CD5L: variants seen among roughly 807,000 people sequenced by gnomAD.
The protein encoded by CD5L is CD5 molecule like.
A neutral mutation model predicts 40.8 loss-of-function variants in CD5L; 39 were observed. The ratio of observed to expected loss-of-function variants is 0.96; its 90% CI spans 0.74 to 1.25. The LOEUF (loss-of-function observed/expected upper bound fraction) is 1.25. CD5L is among the 50% of genes most tolerant of loss of function. CD5L has a pLI of 0.00. For synonymous variants in CD5L, 192 were observed against 169.6 expected, an observed-to-expected ratio of 1.13 and a Z score of -1.03; for missense variants, 433 against 435.9, an observed-to-expected ratio of 0.99 and a Z score of 0.06.
intron 2 of CD5L, among the ~76,000 whole-genome samples, 153 bp downstream of exon 2, chr1:157,839,231 G>T (rs999119711): frequency 6.6e-6 from 1 of 152,140 alleles, no homozygotes; most frequent in Non-Finnish European, 1.5e-5. Context: ...GTGGAAATCT[G>T]CCCACACAAG....
rs566998336 is a variant in CD5L, at chr1:157,836,064, A to G, written c.147T>C (p.Cys49=). 445 of 1,614,106 alleles carry G rather than the reference A, an allele frequency of 2.8e-4. 3 individuals are homozygous for G. In the South Asian group the frequency reaches 4.5e-3, roughly 16 times the overall value. The change falls in exon 3 of 6, where the codon TGT becomes TGC. Residue 49 remains cysteine, a synonymous_variant. Transcript: ENST00000368174. ...VEQKGQWGTV[C]DDGWDIKDVA... Reference sequence around the variant, plus strand: ...CGTCCTTAATGTCCCAGCCGTCATCACACACGGTGCCCCACTGGCCTTTCT... The same window carrying G: ...CGTCCTTAATGTCCCAGCCGTCATCGCACACGGTGCCCCACTGGCCTTTCT...
In CD5L at chr1:157,834,394, G is replaced by A. The variant is rs1448479439; in HGVS notation, c.718+13C>T. 1.3e-6 allele frequency: 2 copies of A among 1,593,850 alleles called. No individual in the cohort carries two copies. The highest frequency in any genetic ancestry group is 2.2e-5 in the East Asian group (1 of 44,552). ...CCATGAATAAACCTAGTCTTTGGAC[G>A]CACAGGCATTACCTTCACATTCGAC... On this transcript the variant is annotated intron_variant, in intron 4 of 5. Coordinates refer to ENST00000368174, the MANE Select transcript of CD5L (RefSeq NM_005894.3).
intron 3 of CD5L, 136 bp downstream of exon 3, chr1:157,835,699 G>C (rs1480719669): frequency 1.3e-5 from 9 of 698,372 alleles, no homozygotes; most frequent in Non-Finnish European, 2.0e-5. Context: ...CTGACAGTTG[G>C]GAAAGTATGA....
At chr1:157,836,961 C>A (rs776357672) in intron 2 of CD5L, among the ~76,000 whole-genome samples, 34 of 152,002 alleles carry the variant, frequency 2.2e-4, no homozygotes, top group Non-Finnish European at 1.8e-4. Flanking sequence ...TCTGGAAGTA[C>A]AAAAGCTAAC....
rs1656299339 is a variant in CD5L, at chr1:157,839,298, A to T, written c.55+86T>A. 9 of 1,313,160 alleles carry T rather than the reference A, an allele frequency of 6.9e-6. No homozygotes were observed. The South Asian group carries it at 9.5e-5, about 14-fold the overall frequency. 81.3% of individuals were successfully genotyped at this position (1,313,160 alleles called of 1,614,324 possible). A position where few individuals can be genotyped will look rare whatever the true frequency, so the allele number is the denominator to read the frequency against. ...AAGTCTGCTGGGCCTGTTTTGAACA[A>T]GTCTTTCTCTGTGGCTCAAGAAGCT... On this transcript the variant is annotated intron_variant, in intron 2 of 5. Coordinates refer to ENST00000368174, the MANE Select transcript of CD5L (RefSeq NM_005894.3).
chr1:157,828,805 G>A (rs1303637678), downstream of CD5L, among the ~76,000 whole-genome samples: 2 of 152,180 alleles, frequency 1.3e-5, no homozygotes, highest in Non-Finnish European at 2.9e-5. Context: ...TGGATTAAAT[G>A]TTGGTTCTCT....
In CD5L at chr1:157,839,372, C is replaced by T. The variant is rs1656302617; in HGVS notation, c.55+12G>A. 3 of 1,613,642 alleles carry T rather than the reference C, an allele frequency of 1.9e-6. No homozygotes were observed. Among genetic ancestry groups the T allele is most frequent in the Non-Finnish European group, 2.5e-6 (3 of 1,179,814 alleles). On this transcript the variant is annotated intron_variant, in intron 2 of 5. Transcript: ENST00000368174. ...TTGAGGCCTCCCTCTCAGAAACCCC[C>T]AAAAATCTTACCTAGGAATCCAGGT...
chr1:157,835,717 G>T, intron 3 of CD5L, 118 bp downstream of exon 3: 1 of 775,660 alleles, frequency 1.3e-6, no homozygotes, highest in South Asian at 1.7e-5. Context: ...TGAGATGTGG[G>T]GGGTGAGGGG....
chr1:157,840,517 T>C (rs1425883321), intron 1 of CD5L, among the ~76,000 whole-genome samples: 9 of 152,218 alleles, frequency 5.9e-5, no homozygotes, highest in Non-Finnish European at 2.9e-5. Flanking sequence ...TAACCTCTCA[T>C]TACCCTCATT....
At chr1:157,829,574 T>C (rs776013154), downstream of CD5L, among the ~76,000 whole-genome samples, 2 of 152,254 alleles carry the variant, frequency 1.3e-5, no homozygotes, top group Non-Finnish European at 2.9e-5. Flanking sequence ...AATAGGCCTC[T>C]GTTTATAGGC....
chr1:157,834,657 C>T lies in CD5L; in HGVS notation c.468G>A (p.Gln156=). 6.2e-7 allele frequency: 1 copy of T among 1,614,198 alleles called. No homozygotes were observed. Among genetic ancestry groups the T allele is most frequent in the South Asian group, 1.1e-5 (1 of 91,082 alleles). ...HCKGRVEVKH[Q]NQWYTVCQTG... ...TCTGGCACACGGTATACCACTGGTT[C>T]TGGTGCTTCACTTCCACGCGTCCCT... The change falls in exon 4 of 6, where the codon CAG becomes CAA. Residue 156 remains glutamine (Q), a synonymous_variant. Transcript: ENST00000368174.
chr1:157,839,714 T>C (rs1656313802), intron 1 of CD5L, among the ~76,000 whole-genome samples: 2 of 64,314 alleles, frequency 3.1e-5, no homozygotes, highest in Middle Eastern at 7.1e-3. Context: ...TGTTACTGCC[T>C]GAAGAAAAGT....
intron 4 of CD5L, 26 bp downstream of exon 4, chr1:157,834,381 C>G: frequency 6.4e-7 from 1 of 1,567,518 alleles, no homozygotes; most frequent in South Asian, 1.2e-5. Flanking sequence ...ATGAATAAAC[C>G]TAGTCTTTGG....
chr1:157,841,743 G>A lies in CD5L; in HGVS notation c.-42C>T, dbSNP rs868285054. ...GGTGATGAGCTGAAATTTAAGGCTA[G>A]AAGGAGGTCCCCAAGCAGCAATATT... On this transcript the variant is annotated 5_prime_UTR_variant, in exon 1 of 6. Transcript: ENST00000368174. 6.3e-7 allele frequency: 1 copy of A among 1,587,470 alleles called. No individual in the cohort carries two copies. Among genetic ancestry groups the A allele is most frequent in the Non-Finnish European group, 8.6e-7 (1 of 1,157,734 alleles).
intron 3 of CD5L, 125 bp from the exon 4 acceptor site, chr1:157,834,873 A>G: frequency 1.6e-6 from 1 of 621,952 alleles, no homozygotes; most frequent in Non-Finnish European, 2.7e-6. Context: ...AGTGCTTAAC[A>G]CTGCCTCATA....
chr1:157,841,605 G>T, intron 1 of CD5L, 69 bp downstream of exon 1: 1 of 1,395,586 alleles, frequency 7.2e-7, no homozygotes, highest in Admixed American at 1.8e-5. Flanking sequence ...GGTTGGCGGG[G>T]AGAAAGTTCT....
At chr1:157,833,076 G>A (rs1571448761) in intron 5 of CD5L, 116 bp downstream of exon 5, 3 of 811,392 alleles carry the variant, frequency 3.7e-6, no homozygotes, top group East Asian at 2.4e-5. Context: ...TGATGACTAT[G>A]AGCAGCTTCA....
downstream of CD5L, among the ~76,000 whole-genome samples, chr1:157,828,474 C>G (rs951314694): frequency 1.1e-4 from 16 of 152,166 alleles, no homozygotes; most frequent in Non-Finnish European, 2.1e-4. Context: ...CAGGAGTTCA[C>G]TCAGCCCATA....
Position 157,833,390 on chromosome 1 carries a change from C to A in CD5L, c.841G>T (p.Val281Leu). 1.2e-6 allele frequency: 2 copies of A among 1,614,098 alleles called. No homozygotes were observed. The highest frequency in any genetic ancestry group is 1.7e-6 in the Non-Finnish European group (2 of 1,180,028). Residue 281 changes from valine to leucine, a missense_variant, in exon 5 of 6, where the codon GTA (valine) becomes TTA (leucine). Transcript: ENST00000368174. ...TTCCCACAGCCCAGTTGCTTGCATACCACCTGGTCCTCCTTTTCTCCCCAG... is the reference window on the plus strand; with the variant it reads ...TTCCCACAGCCCAGTTGCTTGCATAACACCTGGTCCTCCTTTTCTCCCCAG... ...DNWGEKEDQV[V>L]CKQLGCGKSL...
Sources: allele counts gnomAD v4.1 joint callset (sites outside exome capture counted in the v4.1 genomes callset), GRCh38; gene constraint gnomAD v4.1.1; transcripts MANE v1.5; gene names NCBI Gene and HGNC (gene_info 2026-07-23, HGNC 2026-07-21).